SLC22A14: variants seen among roughly 807,000 people sequenced by gnomAD.
SLC22A14 encodes the protein organic cation transporter-like 4.
A neutral mutation model predicts 53.9 loss-of-function variants in SLC22A14; 50 were observed. The observed-to-expected ratio is 0.93, with a 90% confidence interval of 0.74 to 1.17. The LOEUF (loss-of-function observed/expected upper bound fraction) is 1.17. Ranked by LOEUF, SLC22A14 falls within the 50% of genes most tolerant of loss-of-function variation. The pLI is 0.00. For synonymous variants in SLC22A14, 312 were observed against 303.0 expected (o/e 1.03, Z -0.31); for missense variants, 671 against 734.7 (o/e 0.91, Z 1.00).
At position 38,307,113 on chromosome 3, in the gene SLC22A14, G is replaced by A. The variant is rs151624; in HGVS notation, c.517-141G>A. 1.5e-6 allele frequency: 1 copy of A among 683,630 alleles called. No individual in the cohort carries two copies. The highest frequency in any genetic ancestry group is 2.7e-6 in the Non-Finnish European group (1 of 372,094). 42.3% of individuals were successfully genotyped at this position (683,630 alleles called of 1,614,324 possible). A position where few individuals can be genotyped will look rare whatever the true frequency, so the allele number is the denominator to read the frequency against. On this transcript the variant is annotated intron_variant, in intron 2 of 10. Coordinates refer to ENST00000448498, the MANE Select transcript of SLC22A14 (RefSeq NM_001320033.2). The surrounding 1 kb of genome is among the most constrained non-coding windows in gnomAD (Gnocchi z 4.4). Reference sequence around the variant, plus strand: ...GGGGTTGCAGAGGTAACAGAGCAGAGGCAACAGCTGAGGCACGCTGCACAC... The same window carrying A: ...GGGGTTGCAGAGGTAACAGAGCAGAAGCAACAGCTGAGGCACGCTGCACAC...
At chr3:38,281,433 A>G (rs1018407940), upstream of SLC22A14, among the ~76,000 whole-genome samples, 2 of 152,192 alleles carry the variant, frequency 1.3e-5, no homozygotes, top group African/African-American at 4.8e-5. Flanking sequence ...TGGGAAGTCC[A>G]AGGTTTAGGG....
chr3:38,303,958 G>T (rs1274496699), intron 1 of SLC22A14: 3 of 152,126 alleles, frequency 2.0e-5, no homozygotes, highest in Non-Finnish European at 2.9e-5. Flanking sequence ...GGAGGCTGAG[G>T]TGGGCGGATC....
At chr3:38,303,254 G>A (rs1307548804) in intron 1 of SLC22A14, among the ~76,000 whole-genome samples, 9 of 151,626 alleles carry the variant, frequency 5.9e-5, no homozygotes, top group Non-Finnish European at 7.4e-5. Context: ...ACTTTACTAC[G>A]TTCTTCCTTT....
At chr3:38,284,036 G>C (rs192223315) in intron 1 of SLC22A14, among the ~76,000 whole-genome samples, 48 of 152,328 alleles carry the variant, frequency 3.2e-4, no homozygotes, top group African/African-American at 1.1e-3. Context: ...CACCAAATGG[G>C]CTAGCCAAGG....
At chr3:38,314,628 A>G (rs1704572313) in intron 8 of SLC22A14, among the ~76,000 whole-genome samples, 1 of 152,230 alleles carries the variant, frequency 6.6e-6, no homozygotes, top group Admixed American at 6.5e-5. Context: ...TCACAGTCGC[A>G]GCAAGGGCAG....
upstream of SLC22A14, among the ~76,000 whole-genome samples, chr3:38,281,028 T>A (rs763069051): frequency 9.9e-5 from 15 of 152,214 alleles, no homozygotes; most frequent in Non-Finnish European, 1.9e-4. Flanking sequence ...CTCACTGTGC[T>A]GTCTGCTTGG....
At chr3:38,311,102 C>T (rs1704455870) in intron 5 of SLC22A14, among the ~76,000 whole-genome samples, 1 of 152,166 alleles carries the variant, frequency 6.6e-6, no homozygotes, top group South Asian at 2.1e-4. Context: ...CTTGAACTCC[C>T]CTTTGCCTAG....
chr3:38,294,425 G>GA (rs1284616940), intron 1 of SLC22A14, among the ~76,000 whole-genome samples: 1 of 152,142 alleles, frequency 6.6e-6, no homozygotes, highest in African/African-American at 2.4e-5. Context: ...TCTTGAAGAG[G>GA]ATATCATGGC....
chr3:38,309,465 G>A (rs539537136), intron 5 of SLC22A14, among the ~76,000 whole-genome samples: 2 of 152,300 alleles, frequency 1.3e-5, no homozygotes, highest in East Asian at 3.9e-4. Flanking sequence ...TGACCTTCTT[G>A]AGGTGGCTTC....
rs770450716 is a variant in SLC22A14, at chr3:38,316,407, TC to T, written c.1618del (p.Leu540CysfsTer9). ...ACAATCATCAGCCAGACCCCCTCCCTCCTGCCCATCTTTCTCTGCTGCGTCT... is the reference window on the plus strand; with the variant it reads ...ACAATCATCAGCCAGACCCCCTCCCTCTGCCCATCTTTCTCTGCTGCGTCT... ...SLTIISQTPS[L>X]LPIFLCCVLA... On this transcript the variant is annotated frameshift_variant, in exon 10 of 11. Transcript: ENST00000448498. LOFTEE classifies it high-confidence loss of function. 1.2e-6 allele frequency: 2 copies of T among 1,613,978 alleles called. No individual in the cohort carries two copies. Among genetic ancestry groups the T allele is most frequent in the Admixed American group, 3.3e-5 (2 of 59,996 alleles).
At chr3:38,283,152 C>G (rs1009087018) in intron 1 of SLC22A14, among the ~76,000 whole-genome samples, 1 of 152,082 alleles carries the variant, frequency 6.6e-6, no homozygotes, top group Non-Finnish European at 1.5e-5. Context: ...ATCTTTATCA[C>G]GCTGCATTTC....
chr3:38,318,127 G>T (rs1413818802), intron 10 of SLC22A14, 71 bp from the exon 11 acceptor site: 4 of 1,435,006 alleles, frequency 2.8e-6, no homozygotes, highest in Admixed American at 3.4e-5. Context: ...GCTGCTGAAG[G>T]CACAAGCCGC....
intron 1 of SLC22A14, among the ~76,000 whole-genome samples, chr3:38,303,064 T>G (rs941547687): frequency 6.6e-6 from 1 of 152,152 alleles, no homozygotes; most frequent in African/African-American, 2.4e-5. Context: ...AGTCTTGCTA[T>G]ATCTGTATAT....
chr3:38,284,588 A>T (rs1703748155), intron 1 of SLC22A14, among the ~76,000 whole-genome samples: 1 of 152,218 alleles, frequency 6.6e-6, no homozygotes, highest in Admixed American at 6.5e-5. Context: ...CTTAGAAAGG[A>T]GGCCTCCGCT....
chr3:38,283,359 C>T (rs1209789003), intron 1 of SLC22A14, among the ~76,000 whole-genome samples: 1 of 152,054 alleles, frequency 6.6e-6, no homozygotes, highest in African/African-American at 2.4e-5. Flanking sequence ...TGCAGCCTCC[C>T]CCACCTCCCA....
chr3:38,296,644 G>T (rs1704044627), intron 1 of SLC22A14, among the ~76,000 whole-genome samples: 1 of 151,974 alleles, frequency 6.6e-6, no homozygotes, highest in Admixed American at 6.6e-5. Context: ...GCCTCTTGTT[G>T]TCTGACTTGG....
intron 10 of SLC22A14, 107 bp downstream of exon 10, chr3:38,316,631 C>G (rs1480985542): frequency 9.9e-7 from 1 of 1,009,802 alleles, no homozygotes; most frequent in Non-Finnish European, 1.5e-6. Context: ...TGCCGGAGAG[C>G]CTGTGACTCG....
At chr3:38,312,610 A>G (rs1704497604) in intron 5 of SLC22A14, among the ~76,000 whole-genome samples, 1 of 152,158 alleles carries the variant, frequency 6.6e-6, no homozygotes, top group Non-Finnish European at 1.5e-5. Flanking sequence ...AGAAATCCCA[A>G]CTAAGGGCAT....
chr3:38,304,656 A>C (rs1032591792), intron 1 of SLC22A14, among the ~76,000 whole-genome samples: 6 of 152,124 alleles, frequency 3.9e-5, no homozygotes, highest in African/African-American at 1.2e-4. Context: ...CCTGCTTCTA[A>C]CAGGAGACTG....
Sources: gnomAD v4.1 joint callset for allele counts (sites outside exome capture counted in the v4.1 genomes callset) on GRCh38, gnomAD v4.1.1 for gene constraint, Gnocchi (gnomAD v3.1) non-coding constraint, MANE v1.5 for transcripts, NCBI Gene and HGNC (gene_info 2026-07-23, HGNC 2026-07-21) for gene names.